ATP10B: variants seen among roughly 807,000 people sequenced by gnomAD.
ATP10B encodes the protein phospholipid-transporting ATPase VB.
A neutral mutation model predicts 141.2 loss-of-function variants in ATP10B; 122 were observed. The ratio of observed to expected loss-of-function variants is 0.86; its 90% confidence interval spans 0.75 to 1.00. The LOEUF is 1.00. Ranked by LOEUF, ATP10B falls within the 50% of genes least tolerant of loss-of-function variation. The pLI, the probability that ATP10B is intolerant of heterozygous loss-of-function variation, is 0.00. For synonymous variants in ATP10B, 685 were observed against 692.0 expected, an observed-to-expected ratio of 0.99 and a Z score of 0.16; for missense variants, 1,876 against 1,825.3, an observed-to-expected ratio of 1.03 and a Z score of -0.51.
chr5:160,612,477 T>C (rs1164490119), intron 18 of ATP10B: 1 of 295,672 alleles, frequency 3.4e-6, no homozygotes, highest in Non-Finnish European at 6.3e-6. Context: ...AGACCAATAG[T>C]AGAATTTGGG....
At chr5:160,727,976 T>C (rs371714893) in intron 2 of ATP10B, among the ~76,000 whole-genome samples, 66 of 152,352 alleles carry the variant, frequency 4.3e-4, no homozygotes, top group African/African-American at 1.6e-3. Context: ...CTAAAACTAA[T>C]ATCTGTTTGG....
intron 1 of ATP10B, among the ~76,000 whole-genome samples, chr5:160,801,097 A>G (rs996845747): frequency 1.3e-5 from 2 of 152,164 alleles, no homozygotes; most frequent in Admixed American, 1.3e-4. Flanking sequence ...CCTCCTTGAT[A>G]TCTGTGGCCC....
intron 3 of ATP10B, among the ~76,000 whole-genome samples, chr5:160,695,950 A>C (rs1668623745): frequency 6.6e-6 from 1 of 152,208 alleles, no homozygotes; most frequent in African/African-American, 2.4e-5. Context: ...ACTGTAGAAG[A>C]AATAGTCTGG....
intron 1 of ATP10B, among the ~76,000 whole-genome samples, chr5:160,798,501 A>T (rs951106517): frequency 5.3e-5 from 8 of 152,134 alleles, no homozygotes; most frequent in African/African-American, 1.9e-4. Context: ...TGGAGTTACA[A>T]GTCTACAATC....
At chr5:160,823,129 T>C (rs1157442669) in intron 1 of ATP10B, among the ~76,000 whole-genome samples, 1 of 150,142 alleles carries the variant, frequency 6.7e-6, no homozygotes, top group African/African-American at 2.4e-5. Flanking sequence ...ACACATTGCA[T>C]GCCTATATCA....
chr5:160,672,130 C>T (rs989134914), intron 6 of ATP10B, among the ~76,000 whole-genome samples: 1 of 151,932 alleles, frequency 6.6e-6, no homozygotes, highest in African/African-American at 2.4e-5. Flanking sequence ...GCGCCTGCCA[C>T]CATGTCCAGC....
intron 10 of ATP10B, among the ~76,000 whole-genome samples, chr5:160,640,009 C>T (rs1442523187): frequency 1.3e-5 from 2 of 152,196 alleles, no homozygotes; most frequent in African/African-American, 2.4e-5. Context: ...GAATCTAATG[C>T]CACCACTGAT....
chr5:160,697,979 C>T (rs1764468423), intron 3 of ATP10B, among the ~76,000 whole-genome samples: 2 of 152,182 alleles, frequency 1.3e-5, no homozygotes, highest in African/African-American at 4.8e-5. Flanking sequence ...TTCTCATCTG[C>T]CACATTACAC....
rs149535705 is a variant in ATP10B, at chr5:160,617,112, A to G, written c.2526+752T>C. Reference sequence around the variant, plus strand: ...CCTAAGAACCATAAAAGACATGAAAAGTCCTGGGGATTTATGCAAGAGAAC... The same window carrying G: ...CCTAAGAACCATAAAAGACATGAAAGGTCCTGGGGATTTATGCAAGAGAAC... On this transcript the variant is annotated intron_variant, in intron 16 of 25. Transcript: ENST00000327245. Among the ~76,000 whole-genome samples the G allele has an allele frequency of 2.4e-3, 365 of 152,334 alleles. 2 individuals are homozygous for G. The highest frequency in any genetic ancestry group is 4.1e-3 in the Admixed American group (62 of 15,308).
intron 24 of ATP10B, among the ~76,000 whole-genome samples, chr5:160,584,663 T>A (rs2127604945): frequency 6.6e-6 from 1 of 152,348 alleles, no homozygotes; most frequent in South Asian, 2.1e-4. Context: ...CTATGAAGGC[T>A]TTAGCATAAA....
At chr5:160,817,232 A>G (rs1176800548) in intron 1 of ATP10B, among the ~76,000 whole-genome samples, 3 of 152,236 alleles carry the variant, frequency 2.0e-5, no homozygotes, top group African/African-American at 7.2e-5. Flanking sequence ...TGCAGATGAC[A>G]TGATTGTATA....
chr5:160,923,271 G>A, the ATP10B span, among the ~76,000 whole-genome samples: 1 of 152,162 alleles, frequency 6.6e-6, no homozygotes, highest in Non-Finnish European at 1.5e-5. Context: ...GGAAGAGGAA[G>A]AATTTAACAT....
chr5:160,789,812 A>T (rs931472417), intron 1 of ATP10B, among the ~76,000 whole-genome samples: 1 of 152,292 alleles, frequency 6.6e-6, no homozygotes, highest in East Asian at 1.9e-4. Flanking sequence ...ACTTCTAGGC[A>T]ATATAGCCCA....
intron 3 of ATP10B, among the ~76,000 whole-genome samples, chr5:160,704,173 T>C (rs560335539): frequency 6.6e-6 from 1 of 152,280 alleles, no homozygotes; most frequent in South Asian, 2.1e-4. Context: ...CGCCTCAGCC[T>C]CTTTAGTAAC....
At chr5:160,846,592 A>G (rs1776133618) in intron 1 of ATP10B, among the ~76,000 whole-genome samples, 2 of 152,280 alleles carry the variant, frequency 1.3e-5, no homozygotes, top group African/African-American at 4.8e-5. Flanking sequence ...CAATATTATG[A>G]TTGCTGCTAT....
At chr5:160,717,077 TCA>T (rs1381198791) in intron 2 of ATP10B, 43 bp from the exon 3 acceptor site, 2 of 980,944 alleles carry the variant, frequency 2.0e-6, no homozygotes, top group African/African-American at 3.5e-5. Flanking sequence ...AACTAACAGT[TCA>T]GTTATAAATG....
At chr5:160,658,673 A>G (rs1761673452) in intron 7 of ATP10B, among the ~76,000 whole-genome samples, 1 of 152,164 alleles carries the variant, frequency 6.6e-6, no homozygotes, top group Non-Finnish European at 1.5e-5. Context: ...GACATCAGGG[A>G]AGGTTGCTAG....
At chr5:160,887,112 T>C in the ATP10B span, among the ~76,000 whole-genome samples, 1 of 152,208 alleles carries the variant, frequency 6.6e-6, no homozygotes, top group African/African-American at 2.4e-5. Context: ...CAATTGCTGT[T>C]AAGGCTATGA....
chr5:160,771,978 G>A (rs1358092979), intron 2 of ATP10B, among the ~76,000 whole-genome samples: 10 of 152,274 alleles, frequency 6.6e-5, no homozygotes, highest in Admixed American at 6.5e-4. Flanking sequence ...ACTAATCGGG[G>A]AAGCCCCTCC....
Sources: allele counts gnomAD v4.1 joint callset (sites outside exome capture counted in the v4.1 genomes callset), GRCh38; gene constraint gnomAD v4.1.1; transcripts MANE v1.5; gene names NCBI Gene and HGNC (gene_info 2026-07-23, HGNC 2026-07-21).